The following PLAGL1 variants were observed in gnomAD, a reference collection of about 807,000 sequenced individuals.
PLAGL1 encodes PLAG1 like zinc finger 1.
A neutral mutation model predicts 4.6 loss-of-function variants in PLAGL1; 1 was observed. The observed-to-expected ratio is 0.22, with a 90% CI of 0.08 to 1.03. The LOEUF is 1.03. Ranked by LOEUF, PLAGL1 falls within the 50% of genes least tolerant of loss-of-function variation. PLAGL1 has a pLI of 0.58. For synonymous variants in PLAGL1, 240 were observed against 237.8 expected (o/e 1.01, Z -0.08); for missense variants, 464 against 570.4 (o/e 0.81, Z 1.90).
intron 1 of PLAGL1, among the ~76,000 whole-genome samples, chr6:144,028,956 G>A (rs999690744): frequency 2.6e-5 from 4 of 151,966 alleles, no homozygotes; most frequent in African/African-American, 9.7e-5. Context: ...TTATGTAATT[G>A]AGATGATCTG....
rs944309644 is a variant in PLAGL1, at chr6:143,968,870, G to C, written c.-472+37C>G. 1.3e-5 allele frequency: 2 copies of C among 152,320 alleles called. No homozygotes were observed. The highest frequency in any genetic ancestry group is 4.8e-5 in the African/African-American group (2 of 41,440). The allele number at this position is 152,320 out of a possible 1,614,324, so 9.4% of individuals were successfully genotyped here. On this transcript the variant is annotated intron_variant, in intron 3 of 7. Transcript: ENST00000674357. This position sits in a 1 kb window ranked among gnomAD's most constrained non-coding sequence, Gnocchi z 6.3. ...CATGACTGATGGCAGGAGCACTGGG[G>C]GGCAGGAGTTGGAGGGTTCCGCATA...
Position 143,962,541 on chromosome 6 carries a change from C to CA in PLAGL1, c.-398-2000dup, listed in dbSNP as rs1783596903. Among the ~76,000 whole-genome samples the CA allele has an allele frequency of 6.6e-6, 1 of 152,142 alleles. No homozygotes were observed. The highest frequency in any genetic ancestry group is 1.5e-5 in the Non-Finnish European group (1 of 68,014). On this transcript the variant is annotated intron_variant, in intron 5 of 7. Transcript: ENST00000674357. The surrounding 1 kb of genome is among the most constrained non-coding windows in gnomAD (Gnocchi z 5.3). ...GGAAAGTTTGTTTATTCGTTGATGA[C>CA]AAAAACCAAAGTTTCATAGAGTGTA...
intron 2 of PLAGL1, among the ~76,000 whole-genome samples, chr6:143,980,513 G>C (rs1787709596): frequency 6.6e-6 from 1 of 151,726 alleles, no homozygotes; most frequent in African/African-American, 2.4e-5. Flanking sequence ...TAGAGGTCTA[G>C]AAGTTCAATT....
At position 143,973,522 on chromosome 6, in the gene PLAGL1, C is replaced by A. The variant is rs923468009; in HGVS notation, c.-543-4544G>T. ...TCTAGGGCCTGCTGAGCTTCAATGG[C>A]CCCCTGACATTCCATAAATAAACTT... On this transcript the variant is annotated intron_variant, in intron 2 of 7. Transcript: ENST00000674357. This position sits in a 1 kb window ranked among gnomAD's most constrained non-coding sequence, Gnocchi z 6.2. 3.3e-5 allele frequency among the ~76,000 whole-genome samples: 5 copies of A among 152,122 alleles called. No individual in the cohort carries two copies. Among genetic ancestry groups the A allele is most frequent in the Admixed American group, 2.0e-4 (3 of 15,264 alleles).
At chr6:144,010,926 G>A (rs139023463), upstream of PLAGL1, among the ~76,000 whole-genome samples, 4 of 152,146 alleles carry the variant, frequency 2.6e-5, no homozygotes, top group African/African-American at 9.6e-5. This position sits in a 1 kb window ranked among gnomAD's most constrained non-coding sequence, Gnocchi z 4.1. Flanking sequence ...AAACTGGACC[G>A]CTTCGTTACA....
In PLAGL1 at chr6:144,005,054, A is replaced by G. The variant is rs1450567132; in HGVS notation, c.-584+3036T>C. 1 of 151,394 alleles carries G rather than the reference A, an allele frequency of 6.6e-6. No homozygotes were observed. The highest frequency in any genetic ancestry group is 1.9e-4 in the East Asian group (1 of 5,194). The allele number at this position is 151,394 out of a possible 1,614,324, so 9.4% of individuals were successfully genotyped here. ...ATATATTATATATATACACACACCT[A>G]CATACATTGCCTCAAAAGTCTGTGA... On this transcript the variant is annotated intron_variant, in intron 1 of 7. Coordinates refer to ENST00000674357, the MANE Select transcript of PLAGL1 (RefSeq NM_001317162.2). The surrounding 1 kb of genome is among the most constrained non-coding windows in gnomAD (Gnocchi z 4.6).
At position 144,004,855 on chromosome 6, in the gene PLAGL1, A is replaced by G. The variant is rs1262192766; in HGVS notation, c.-584+3235T>C. ...ATCATAGCTCCTAAAGAATAGGACA[A>G]AAATGTGTGAAAATAAAGAGATAAA... On this transcript the variant is annotated intron_variant, in intron 1 of 7. Coordinates refer to ENST00000674357, the MANE Select transcript of PLAGL1 (RefSeq NM_001317162.2). The surrounding 1 kb of genome is among the most constrained non-coding windows in gnomAD (Gnocchi z 4.2). 1.3e-5 allele frequency: 2 copies of G among 151,898 alleles called. No individual in the cohort carries two copies. The highest frequency in any genetic ancestry group is 4.8e-5 in the African/African-American group (2 of 41,412). 9.4% of individuals were successfully genotyped at this position (151,898 alleles called of 1,614,324 possible).
At chr6:144,025,077 C>G (rs907671697) in intron 1 of PLAGL1, among the ~76,000 whole-genome samples, 2 of 152,140 alleles carry the variant, frequency 1.3e-5, no homozygotes, top group African/African-American at 4.8e-5. Context: ...CATGGAGAAA[C>G]CAGACAAACA....
In PLAGL1 at chr6:143,940,682, T is replaced by C. The variant is rs984861451; in HGVS notation, c.*742A>G. 1 of 152,506 alleles carries C rather than the reference T, an allele frequency of 6.6e-6. No individual in the cohort carries two copies. The highest frequency in any genetic ancestry group is 1.5e-5 in the Non-Finnish European group (1 of 68,012). 9.4% of individuals were successfully genotyped at this position (152,506 alleles called of 1,614,324 possible). A position where few individuals can be genotyped will look rare whatever the true frequency, so the allele number is the denominator to read the frequency against. On this transcript the variant is annotated 3_prime_UTR_variant, in exon 8 of 8. Transcript: ENST00000674357. ...CAATATTAAAGTCAGCAAAATGCCTTTGACTGACGCCTGGATTATTTTACC... is the reference window on the plus strand; with the variant it reads ...CAATATTAAAGTCAGCAAAATGCCTCTGACTGACGCCTGGATTATTTTACC...
rs556202230 is a variant in PLAGL1 at position 144,036,945 on chromosome 6, A to G, written c.-151+27523T>C. ...TTATATGCCCTGGAGAGAGGCAGAAAGTGATTACACCACCTTCATTTGCAC... is the reference window on the plus strand; with the variant it reads ...TTATATGCCCTGGAGAGAGGCAGAAGGTGATTACACCACCTTCATTTGCAC... On this transcript the variant is annotated intron_variant, in intron 1 of 3. Transcript: ENST00000437412. The surrounding 1 kb of genome is among the most constrained non-coding windows in gnomAD (Gnocchi z 5.1). The G allele has an allele frequency of 5.6e-6, 1 of 177,726 alleles. No individual in the cohort carries two copies. The highest frequency in any genetic ancestry group is 1.8e-4 in the East Asian group (1 of 5,656). 11.0% of individuals were successfully genotyped at this position (177,726 alleles called of 1,614,324 possible).
In PLAGL1 at chr6:143,942,582, T is replaced by A; in HGVS notation, c.234A>T (p.Lys78Asn). 3 of 1,614,088 alleles carry A rather than the reference T, an allele frequency of 1.9e-6. No homozygotes were observed. In the Middle Eastern group the frequency reaches 4.9e-4, roughly 266 times the overall value. ...TGGGGTCGTGGGTCTGGAGGTGGTTTTTCAGGTGGTCTTTCCGGTTGAACG... is the reference window on the plus strand; with the variant it reads ...TGGGGTCGTGGGTCTGGAGGTGGTTATTCAGGTGGTCTTTCCGGTTGAACG... ...EKTFNRKDHL[K>N]NHLQTHDPNK... The change falls in exon 8 of 8, where the codon AAA (lysine) becomes AAT (asparagine). Residue 78 changes from lysine (K) to asparagine (N), a missense_variant. Physicochemically the swap from Lys to Asn is moderately conservative, Grantham distance 94. This residue lies in a region of PLAGL1 where 161 missense variants were observed against 196.7 expected (regional missense o/e 0.82). Coordinates refer to ENST00000674357, the MANE Select transcript of PLAGL1 (RefSeq NM_001317162.2). The surrounding 1 kb of genome is among the most constrained non-coding windows in gnomAD (Gnocchi z 7.6).
rs933275975 is a variant in PLAGL1, at chr6:143,950,537, G to A, written c.-324-2077C>T. 6.6e-6 allele frequency among the ~76,000 whole-genome samples: 1 copy of A among 152,182 alleles called. No individual in the cohort carries two copies. The highest frequency in any genetic ancestry group is 1.5e-5 in the Non-Finnish European group (1 of 68,030). ...ACTCATTCACTTAGAATTGCTCTGT[G>A]TTCTTTCTAGGTTTATTAAAAAAGA... On this transcript the variant is annotated intron_variant, in intron 6 of 7. Coordinates refer to ENST00000674357, the MANE Select transcript of PLAGL1 (RefSeq NM_001317162.2). This position sits in a 1 kb window ranked among gnomAD's most constrained non-coding sequence, Gnocchi z 6.3.
intron 1 of PLAGL1, among the ~76,000 whole-genome samples, chr6:144,002,124 G>A (rs1044016626): frequency 6.6e-6 from 1 of 152,164 alleles, no homozygotes; most frequent in Non-Finnish European, 1.5e-5. Flanking sequence ...GTTAACATGA[G>A]AGGAAGCTGG....
At chr6:144,045,583 G>T (rs1798078996) in intron 1 of PLAGL1, among the ~76,000 whole-genome samples, 1 of 152,182 alleles carries the variant, frequency 6.6e-6, no homozygotes, top group Non-Finnish European at 1.5e-5. Flanking sequence ...GCTTCCCTTT[G>T]TGGGTAACCC....
In PLAGL1 at chr6:144,034,597, C is replaced by T. The variant is rs1190494125; in HGVS notation, c.-151+29871G>A. 6.6e-6 allele frequency among the ~76,000 whole-genome samples: 1 copy of T among 152,042 alleles called. No individual in the cohort carries two copies. The highest frequency in any genetic ancestry group is 2.4e-5 in the African/African-American group (1 of 41,382). ...CCTCCAGCAAAGAAAAGTGGGAGGC[C>T]CCGACAAATTGTCATTATGCAATAA... On this transcript the variant is annotated intron_variant, in intron 1 of 3. Transcript: ENST00000437412. This position sits in a 1 kb window ranked among gnomAD's most constrained non-coding sequence, Gnocchi z 4.7.
At chr6:144,052,842 A>G (rs531690476) in intron 1 of PLAGL1, among the ~76,000 whole-genome samples, 1 of 152,332 alleles carries the variant, frequency 6.6e-6, no homozygotes, top group South Asian at 2.1e-4. Context: ...ATGTGTTTAA[A>G]TTCTCCACAT....
rs572412899 is a variant in PLAGL1 at position 144,052,575 on chromosome 6, AT to A, written c.-151+11892del. On this transcript the variant is annotated intron_variant, in intron 1 of 3. Coordinates refer to the PLAGL1 transcript ENST00000437412. ...TAGATGTTGTTAAACAAATGAATGG[AT>A]GAATATATATCTTGTTCATATGGTT... 2.0e-3 allele frequency among the ~76,000 whole-genome samples: 300 copies of A among 152,322 alleles called. 1 individual carries two copies. The highest frequency in any genetic ancestry group is 7.0e-3 in the African/African-American group (291 of 41,572).
At chr6:143,974,910 GAA>G (rs1196834073) in intron 2 of PLAGL1, among the ~76,000 whole-genome samples, 1 of 152,110 alleles carries the variant, frequency 6.6e-6, no homozygotes, top group Non-Finnish European at 1.5e-5. Context: ...ACTACTGAAA[GAA>G]AGTCTTTGGC....
Position 144,039,247 on chromosome 6 carries a change from A to G in PLAGL1, c.-151+25221T>C, listed in dbSNP as rs1197595772. On this transcript the variant is annotated intron_variant, in intron 1 of 3. Coordinates refer to the PLAGL1 transcript ENST00000437412. The surrounding 1 kb of genome is among the most constrained non-coding windows in gnomAD (Gnocchi z 4.1). ...ACAGAAATGGCTCAGAAACCAATGA[A>G]AAGATGGTTGACTTCATTAGTCATC... Among the ~76,000 whole-genome samples the G allele has an allele frequency of 6.6e-6, 1 of 152,224 alleles. No individual in the cohort carries two copies. The highest frequency in any genetic ancestry group is 1.5e-5 in the Non-Finnish European group (1 of 68,036).
Sources: gnomAD v4.1 joint callset for allele counts (sites outside exome capture counted in the v4.1 genomes callset) on GRCh38, gnomAD v4.1.1 for gene constraint, gnomAD v4.1.1 regional missense constraint, Gnocchi (gnomAD v3.1) non-coding constraint, MANE v1.5 for transcripts, NCBI Gene and HGNC (gene_info 2026-07-23, HGNC 2026-07-21) for gene names.